FAM228B: variants seen among roughly 807,000 people sequenced by gnomAD.
FAM228B encodes protein FAM228B.
FAM228B carries 38 observed loss-of-function variants against 42.6 expected under a neutral mutation model. The observed-to-expected ratio is 0.89, with a 90% CI of 0.69 to 1.17. FAM228B has a LOEUF of 1.17. Ranked by LOEUF, FAM228B falls within the 50% of genes most tolerant of loss-of-function variation. FAM228B has a pLI of 0.00. For synonymous variants in FAM228B, 109 were observed against 122.3 expected, an observed-to-expected ratio of 0.89 and a Z score of 0.72; for missense variants, 344 against 367.3, an observed-to-expected ratio of 0.94 and a Z score of 0.52.
At chr2:24,089,484 C>T (rs577198479) in intron 2 of FAM228B, among the ~76,000 whole-genome samples, 4 of 152,174 alleles carry the variant, frequency 2.6e-5, no homozygotes, top group Admixed American at 6.5e-5. Flanking sequence ...AGAGTATTTT[C>T]GCCTCATTCT....
intron 3 of FAM228B, among the ~76,000 whole-genome samples, chr2:24,109,795 G>A (rs921094174): frequency 6.6e-6 from 1 of 152,214 alleles, no homozygotes; most frequent in Non-Finnish European, 1.5e-5. Context: ...AGATGTTGGC[G>A]AGGTTGTGGA....
intron 4 of FAM228B, 125 bp from the exon 5 acceptor site, chr2:24,139,245 A>C (rs1480714842): frequency 2.2e-6 from 1 of 448,844 alleles, no homozygotes; most frequent in African/African-American, 2.0e-5. Flanking sequence ...TTCTTTTTGC[A>C]TTTGTCACTG....
chr2:24,129,848 G>T (rs1463010418), intron 2 of FAM228B, among the ~76,000 whole-genome samples: 2 of 151,912 alleles, frequency 1.3e-5, no homozygotes, highest in Admixed American at 1.3e-4. Flanking sequence ...ACAAGTGCAG[G>T]ACGTGCAGGT....
chr2:24,077,876 G>T lies in FAM228B; in HGVS notation c.-290+907G>T. 1.8e-6 allele frequency: 2 copies of T among 1,125,832 alleles called. No homozygotes were observed. The highest frequency in any genetic ancestry group is 2.5e-6 in the Non-Finnish European group (2 of 788,032). 69.7% of individuals were successfully genotyped at this position (1,125,832 alleles called of 1,614,324 possible). On this transcript the variant is annotated intron_variant, in intron 1 of 10. Transcript: ENST00000613899. The surrounding 1 kb of genome is among the most constrained non-coding windows in gnomAD (Gnocchi z 5.5). ...CCACGTATCTGAAAAAGCACACAGGGACACTTAACCCCTCACTTCCTAGCA... is the reference window on the plus strand; with the variant it reads ...CCACGTATCTGAAAAAGCACACAGGTACACTTAACCCCTCACTTCCTAGCA...
chr2:24,161,724 G>C, intron 8 of FAM228B, 111 bp downstream of exon 8: 5 of 702,774 alleles, frequency 7.1e-6, no homozygotes, highest in Non-Finnish European at 9.9e-6. Context: ...CACACACAAA[G>C]CTCCATTGTG....
intron 7 of FAM228B, among the ~76,000 whole-genome samples, chr2:24,151,149 A>ATT (rs1460310568): frequency 6.6e-6 from 1 of 151,716 alleles, no homozygotes; most frequent in Non-Finnish European, 1.5e-5. Flanking sequence ...CTGAATGTCT[A>ATT]TTTTCAAATA....
intron 2 of FAM228B, among the ~76,000 whole-genome samples, chr2:24,130,368 A>G (rs1666426708): frequency 6.6e-6 from 1 of 152,178 alleles, no homozygotes; most frequent in South Asian, 2.1e-4. Context: ...TGGTTCTAAT[A>G]TCCTTGAGGA....
chr2:24,088,207 G>A (rs1314692641), intron 2 of FAM228B, among the ~76,000 whole-genome samples: 1 of 151,736 alleles, frequency 6.6e-6, no homozygotes, highest in Admixed American at 6.6e-5. Flanking sequence ...GAAATGTGGT[G>A]AGCTTCCCAG....
At position 24,080,694 on chromosome 2, in the gene FAM228B, C is replaced by A; in HGVS notation, c.-289-182C>A. 2 of 1,153,226 alleles carry A rather than the reference C, an allele frequency of 1.7e-6. No homozygotes were observed. The highest frequency in any genetic ancestry group is 2.5e-6 in the Non-Finnish European group (2 of 791,210). The allele number at this position is 1,153,226 out of a possible 1,614,324, so 71.4% of individuals were successfully genotyped here. ...AAATACCATAGTACTAGAATTTGGC[C>A]AGGGCAGCTGTTGTGCACTTAGCAG... On this transcript the variant is annotated intron_variant, in intron 1 of 10. Coordinates refer to the FAM228B transcript ENST00000613899. This position sits in a 1 kb window ranked among gnomAD's most constrained non-coding sequence, Gnocchi z 4.7.
intron 2 of FAM228B, among the ~76,000 whole-genome samples, chr2:24,081,690 GT>G (rs36028901): frequency 0.26 from 36,008 of 137,062 alleles, 3,961 homozygotes; most frequent in South Asian, 0.36. Flanking sequence ...CCTTGATACT[GT>G]TTTTTTTTTT....
chr2:24,166,279 C>G (rs1410239403), intron 9 of FAM228B, among the ~76,000 whole-genome samples: 1 of 151,760 alleles, frequency 6.6e-6, no homozygotes, highest in East Asian at 1.9e-4. Context: ...AAGTCATGGC[C>G]TTCCTCCCCA....
At chr2:24,101,090 A>C (rs911973941) in intron 3 of FAM228B, among the ~76,000 whole-genome samples, 2 of 152,152 alleles carry the variant, frequency 1.3e-5, no homozygotes, top group African/African-American at 4.8e-5. Context: ...AGGGTGGGGA[A>C]CATCACACAC....
chr2:24,148,447 C>T (rs1666946673), intron 7 of FAM228B, among the ~76,000 whole-genome samples: 1 of 152,120 alleles, frequency 6.6e-6, no homozygotes, highest in Non-Finnish European at 1.5e-5. Flanking sequence ...TTTTCCTTAT[C>T]CTTGTGGCAG....
intron 7 of FAM228B, among the ~76,000 whole-genome samples, chr2:24,147,368 C>T (rs1004263633): frequency 7.9e-5 from 12 of 151,298 alleles, no homozygotes; most frequent in African/African-American, 2.9e-4. Context: ...TTGTTTTTTT[C>T]TGTCTATCTT....
Position 24,139,403 on chromosome 2 carries a change from G to T in FAM228B, c.394G>T (p.Glu132Ter). ...NAFIEHYDPKEYDPFYMSKKD... is the reference protein window; with the variant it reads ...NAFIEHYDPK The stretch of plus-strand genomic sequence containing the variant: ...ATTTATAGAACATTATGATCCAAAA[G>T]AGTATGATCCCTTTTATATGAGCAA... Residue 132 changes from glutamate to a stop codon, truncating the protein, a stop_gained, in exon 5 of 11, where the codon GAG (glutamate) becomes TAG (stop). Transcript: ENST00000615575. LOFTEE classifies it high-confidence loss of function. The T allele has an allele frequency of 6.5e-7, 1 of 1,548,060 alleles. No individual in the cohort carries two copies. Among genetic ancestry groups the T allele is most frequent in the African/African-American group, 1.4e-5 (1 of 73,052 alleles).
At position 24,135,169 on chromosome 2, in the gene FAM228B, A is replaced by T. The variant is rs2151017862; in HGVS notation, c.150A>T (p.Lys50Asn). The change falls in exon 3 of 11, where the codon AAA (lysine) becomes AAT (asparagine). Residue 50 changes from lysine to asparagine, a missense_variant. Coordinates refer to ENST00000615575, the MANE Select transcript of FAM228B (RefSeq NM_001145710.2). ...CAGCTATTCAATCAATATTATACAA[A>T]GAAAATTCTGTAATTAAGGTAAGAA... Reference protein sequence around the residue: ...TEAAIQSILYKENSVIKELDK... With the variant: ...TEAAIQSILYNENSVIKELDK... 6.7e-7 allele frequency: 1 copy of T among 1,497,144 alleles called. No homozygotes were observed. The highest frequency in any genetic ancestry group is 1.3e-5 in the South Asian group (1 of 76,524). The allele number at this position is 1,497,144 out of a possible 1,614,324, so 92.7% of individuals were successfully genotyped here. A position where few individuals can be genotyped will look rare whatever the true frequency, so the allele number is the denominator to read the frequency against.
intron 7 of FAM228B, among the ~76,000 whole-genome samples, chr2:24,147,736 T>G (rs918236164): frequency 1.3e-5 from 2 of 152,178 alleles, no homozygotes. Context: ...AATTTTTAGA[T>G]AGTTTTTATT....
intron 7 of FAM228B, among the ~76,000 whole-genome samples, chr2:24,156,022 G>A (rs1461303727): frequency 6.6e-6 from 1 of 152,220 alleles, no homozygotes; most frequent in East Asian, 1.9e-4. Context: ...GGGGCCAGGA[G>A]TCTGAGATTG....
At chr2:24,109,383 T>C (rs555212375) in intron 3 of FAM228B, among the ~76,000 whole-genome samples, 1 of 152,290 alleles carries the variant, frequency 6.6e-6, no homozygotes, top group Non-Finnish European at 1.5e-5. Flanking sequence ...GACATAGGAC[T>C]TGGTGAAGAT....
Sources: allele counts gnomAD v4.1 joint callset (sites outside exome capture counted in the v4.1 genomes callset), GRCh38; gene constraint gnomAD v4.1.1; non-coding constraint Gnocchi (gnomAD v3.1); transcripts MANE v1.5; gene names NCBI Gene and HGNC (gene_info 2026-07-23, HGNC 2026-07-21).